The following SLC35A3 variants were observed in gnomAD, a reference collection of about 807,000 sequenced individuals.
SLC35A3 encodes the protein solute carrier family 35 member A3.
In SLC35A3, 26 loss-of-function variants were observed where a neutral mutation model predicts 39.0. That is an observed-to-expected ratio of 0.67 (90% confidence interval 0.49 to 0.92). The LOEUF is 0.92. Ranked by LOEUF, SLC35A3 falls within the 40% of genes least tolerant of loss-of-function variation. SLC35A3 has a pLI of 0.00. For missense variants in SLC35A3, 299 were observed against 371.6 expected (o/e 0.80, Z 1.61); for synonymous variants, 135 against 133.1 (o/e 1.01, Z -0.10).
At chr1:100,009,574 GGCATGCAGGACA>G (rs1464727419) in intron 4 of SLC35A3, 1 of 152,306 alleles carries the variant, frequency 6.6e-6, no homozygotes, top group Admixed American at 6.5e-5. Context: ...AAATCCTATA[GGCATGCAGGACA>G]GATTGGTGGG....
intron 5 of SLC35A3, among the ~76,000 whole-genome samples, chr1:100,014,928 G>A (rs1659956449): frequency 6.6e-6 from 1 of 152,086 alleles, no homozygotes; most frequent in Non-Finnish European, 1.5e-5. Flanking sequence ...TGAGGCCAAG[G>A]CAGGTGGATC....
intron 6 of SLC35A3, among the ~76,000 whole-genome samples, chr1:100,016,063 ATTTTTTT>A (rs570217343): frequency 7.7e-6 from 1 of 130,320 alleles, no homozygotes; most frequent in Non-Finnish European, 1.6e-5. Flanking sequence ...GGATACTTCT[ATTTTTTT>A]TTTTTTTTTT....
At chr1:100,020,804 A>G (rs1557848096) in intron 7 of SLC35A3, among the ~76,000 whole-genome samples, 1 of 152,178 alleles carries the variant, frequency 6.6e-6, no homozygotes, top group Non-Finnish European at 1.5e-5. Flanking sequence ...GCATTTTCTA[A>G]GAAGCAAGGA....
At chr1:99,996,822 T>G (rs1338822414) in intron 2 of SLC35A3, among the ~76,000 whole-genome samples, 1 of 152,136 alleles carries the variant, frequency 6.6e-6, no homozygotes, top group Non-Finnish European at 1.5e-5. Context: ...AACTATTATT[T>G]TGGGTTGAGG....
chr1:99,975,243 T>G (rs1657047768), intron 1 of SLC35A3, among the ~76,000 whole-genome samples: 2 of 152,256 alleles, frequency 1.3e-5, no homozygotes, highest in East Asian at 3.9e-4. Flanking sequence ...GTCCAGCCCC[T>G]GCATTTGTCT....
chr1:100,019,856 C>G (rs1660410551), intron 7 of SLC35A3, among the ~76,000 whole-genome samples: 1 of 152,186 alleles, frequency 6.6e-6, no homozygotes, highest in Admixed American at 6.5e-5. Context: ...TACAATATCA[C>G]TGTTACCCAC....
At position 100,031,210 on chromosome 1, in the gene SLC35A3, A is replaced by G. The variant is rs1661192839; in HGVS notation, c.*8734A>G. 6.6e-6 allele frequency: 1 copy of G among 152,198 alleles called. No homozygotes were observed. Among genetic ancestry groups the G allele is most frequent in the Non-Finnish European group, 1.5e-5 (1 of 68,032 alleles). 9.4% of individuals were successfully genotyped at this position (152,198 alleles called of 1,614,324 possible). A position where few individuals can be genotyped will look rare whatever the true frequency, so the allele number is the denominator to read the frequency against. On this transcript the variant is annotated 3_prime_UTR_variant, in exon 8 of 8. Transcript: ENST00000533028. ...ACCTCCATGAACTCACACATGCGGC[A>G]TTGTTAAAGAACCTTTTTTAAAATT...
At chr1:100,016,740 T>C (rs1473551174) in intron 6 of SLC35A3, among the ~76,000 whole-genome samples, 1 of 152,042 alleles carries the variant, frequency 6.6e-6, no homozygotes. Context: ...AAAAAATAAT[T>C]AAGAGAAAAT....
At chr1:99,970,918 T>G (rs1656768451) in intron 1 of SLC35A3, among the ~76,000 whole-genome samples, 1 of 152,242 alleles carries the variant, frequency 6.6e-6, no homozygotes, top group South Asian at 2.1e-4. Context: ...CTTATATTTC[T>G]GAGGCTAACT....
chr1:100,006,403 G>A (rs185543681), intron 3 of SLC35A3, among the ~76,000 whole-genome samples: 1 of 152,256 alleles, frequency 6.6e-6, no homozygotes, highest in East Asian at 1.9e-4. Context: ...GTGTGGCATT[G>A]GCAGTAGCAG....
At chr1:100,000,834 T>G (rs910252498) in intron 3 of SLC35A3, 5 of 152,108 alleles carry the variant, frequency 3.3e-5, no homozygotes, top group Admixed American at 6.5e-5. Flanking sequence ...AGTAGTTTTA[T>G]AGTTTTGAGT....
chr1:100,004,704 T>TA (rs1010915517), intron 3 of SLC35A3, among the ~76,000 whole-genome samples: 2 of 151,850 alleles, frequency 1.3e-5, no homozygotes, highest in Admixed American at 6.6e-5. Flanking sequence ...TTTTTTAATT[T>TA]AAAAAAAATT....
At chr1:100,021,815 T>A (rs1364082981) in intron 7 of SLC35A3, among the ~76,000 whole-genome samples, 1 of 152,264 alleles carries the variant, frequency 6.6e-6, no homozygotes, top group Non-Finnish European at 1.5e-5. Context: ...TAATGTAATT[T>A]CCCTTTGTAA....
rs147974958 is a variant in SLC35A3 at position 99,981,958 on chromosome 1, A to G, written c.-18-11579A>G. 7.3e-3 allele frequency among the ~76,000 whole-genome samples: 1,106 copies of G among 151,592 alleles called. 9 individuals are homozygous for G. Among genetic ancestry groups the G allele is most frequent in the African/African-American group, 0.026 (1,063 of 41,396 alleles). On this transcript the variant is annotated intron_variant, in intron 1 of 7. Coordinates refer to ENST00000533028, the MANE Select transcript of SLC35A3 (RefSeq NM_012243.3). ...GGTGAGCCACTGGAAATAAGTCTGT[A>G]GTAATACTGATTTTAGGGTTTACCT...
rs533723240 is a variant in SLC35A3, at chr1:99,991,906, A to T, written c.-18-1631A>T. 7.6e-4 allele frequency among the ~76,000 whole-genome samples: 115 copies of T among 152,004 alleles called. 3 individuals are homozygous for T. The South Asian group carries it at 0.024, about 31-fold the overall frequency. On this transcript the variant is annotated intron_variant, in intron 1 of 7. Transcript: ENST00000533028. ...TGGGACTACAGGTGCGTGCCACCAC[A>T]CCCAGCTAATTTTTGTATTTTTAGT...
At chr1:100,022,287 T>C (rs1326437942) in intron 7 of SLC35A3, 99 bp from the exon 8 acceptor site, 1 of 614,738 alleles carries the variant, frequency 1.6e-6, no homozygotes, top group Non-Finnish European at 2.8e-6. Flanking sequence ...GGAACATTTT[T>C]CCCCACATTA....
chr1:100,005,571 CA>C (rs1184427060), intron 3 of SLC35A3, among the ~76,000 whole-genome samples: 4 of 152,022 alleles, frequency 2.6e-5, no homozygotes, highest in African/African-American at 9.7e-5. Context: ...TGGCTTATTT[CA>C]AAAGACCTGA....
At chr1:100,018,936 A>G (rs1170859240) in intron 7 of SLC35A3, among the ~76,000 whole-genome samples, 1 of 152,218 alleles carries the variant, frequency 6.6e-6, no homozygotes, top group African/African-American at 2.4e-5. Context: ...TGAGATCTGT[A>G]GTTCTTATGG....
intron 1 of SLC35A3, chr1:99,970,530 A>G: frequency 6.5e-7 from 1 of 1,534,118 alleles, no homozygotes; most frequent in Non-Finnish European, 8.7e-7. Flanking sequence ...CCTTCAGTGA[A>G]CATCCCATGA....
Sources: allele counts gnomAD v4.1 joint callset (sites outside exome capture counted in the v4.1 genomes callset), GRCh38; gene constraint gnomAD v4.1.1; transcripts MANE v1.5; gene names NCBI Gene and HGNC (gene_info 2026-07-23, HGNC 2026-07-21).